The following MYH10 variants were observed in gnomAD, a reference collection of about 807,000 sequenced individuals.
MYH10 encodes myosin heavy chain 10, also known as myosin-10.
MYH10 carries 55 observed loss-of-function variants against 257.8 expected under a neutral mutation model. The observed-to-expected ratio is 0.21, with a 90% CI of 0.17 to 0.27. MYH10 has a LOEUF of 0.27. Among genes scored for constraint, MYH10 ranks in the 10% least tolerant of loss-of-function variants. The probability of loss-of-function intolerance (pLI) is 1.00; values close to 1 mark genes in which losing one functional copy is unlikely to be tolerated. For synonymous variants in MYH10, 854 were observed against 921.7 expected (o/e 0.93, Z 1.33); for missense variants, 1,631 against 2,500.6 (o/e 0.65, Z 7.42).
At chr17:8,505,230 C>T (rs2081036455) in intron 27 of MYH10, among the ~76,000 whole-genome samples, 1 of 152,220 alleles carries the variant, frequency 6.6e-6, no homozygotes, top group South Asian at 2.1e-4. Flanking sequence ...AACATTTTCT[C>T]TGAAGTCAAA....
intron 7 of MYH10, chr17:8,554,257 G>T (rs2082721411): frequency 3.8e-6 from 1 of 262,330 alleles, no homozygotes; most frequent in South Asian, 6.3e-5. Flanking sequence ...ATTAATAAAA[G>T]AAAGTAGTGA....
At position 8,535,169 on chromosome 17, in the gene MYH10, A is replaced by G. The variant is rs941705963; in HGVS notation, c.1894+218T>C. Among the ~76,000 whole-genome samples, 1 of 152,216 alleles carries G rather than the reference A, an allele frequency of 6.6e-6. No homozygotes were observed. Among genetic ancestry groups the G allele is most frequent in the African/African-American group, 2.4e-5 (1 of 41,458 alleles). ...CCTAGAATGTTTCTGTACTCCTACA[A>G]CATCTGACCAAGAAGGTAGCTGTCT... On this transcript the variant is annotated intron_variant, in intron 16 of 42. Coordinates refer to ENST00000360416, the MANE Select transcript of MYH10 (RefSeq NM_001256012.3). This position sits in a 1 kb window ranked among gnomAD's most constrained non-coding sequence, Gnocchi z 4.3.
At chr17:8,630,350 A>C (rs1438738452) in intron 1 of MYH10, among the ~76,000 whole-genome samples, 3 of 129,078 alleles carry the variant, frequency 2.3e-5, no homozygotes, top group Non-Finnish European at 5.0e-5. Context: ...CTGCACACCC[A>C]GGCCCTGACC....
rs1345205771 is a variant in MYH10, at chr17:8,569,076, G to T, written c.756+644C>A. ...AAAAAAAAGTTACTCTTTTAAATTA[G>T]CCTGGTGAAGTAACGTGAGCCTGTA... is the stretch of plus-strand genomic sequence containing the variant. On this transcript the variant is annotated intron_variant, in intron 7 of 42. Coordinates refer to ENST00000360416, the MANE Select transcript of MYH10 (RefSeq NM_001256012.3). This position sits in a 1 kb window ranked among gnomAD's most constrained non-coding sequence, Gnocchi z 4.1. Among the ~76,000 whole-genome samples, 1 of 151,514 alleles carries T rather than the reference G, an allele frequency of 6.6e-6. No homozygotes were observed. The highest frequency in any genetic ancestry group is 1.5e-5 in the Non-Finnish European group (1 of 67,880).
chr17:8,599,917 T>G (rs546330716), intron 3 of MYH10, among the ~76,000 whole-genome samples: 2 of 152,276 alleles, frequency 1.3e-5, no homozygotes, highest in East Asian at 3.9e-4. Context: ...GCAGTTTCTC[T>G]GCAGTGCCTC....
intron 33 of MYH10, 122 bp from the exon 34 acceptor site, chr17:8,492,631 C>CTTTT: frequency 1.1e-6 from 1 of 949,282 alleles, no homozygotes; most frequent in Non-Finnish European, 1.5e-6. Context: ...CTTGTATTTC[C>CTTTT]TTTTTTTTTT....
At chr17:8,523,240 C>T (rs2081717296) in intron 17 of MYH10, among the ~76,000 whole-genome samples, 1 of 152,220 alleles carries the variant, frequency 6.6e-6, no homozygotes, top group Admixed American at 6.5e-5. Context: ...CTGCCTTCTA[C>T]AAATGTTTGT....
intron 4 of MYH10, among the ~76,000 whole-genome samples, chr17:8,582,379 T>C (rs1490016404): frequency 3.3e-5 from 5 of 151,844 alleles, no homozygotes; most frequent in Admixed American, 2.6e-4. Context: ...CTCATTTCCA[T>C]CAACAAAATG....
intron 4 of MYH10, among the ~76,000 whole-genome samples, chr17:8,578,283 C>T (rs2083576545): frequency 7.3e-6 from 1 of 136,436 alleles, no homozygotes; most frequent in Non-Finnish European, 1.5e-5. Flanking sequence ...TGCTCTGTTG[C>T]CCAGGCTGGA....
intron 2 of MYH10, among the ~76,000 whole-genome samples, chr17:8,614,424 TTC>T (rs2085175452): frequency 6.7e-6 from 1 of 150,098 alleles, no homozygotes; most frequent in African/African-American, 2.5e-5. Context: ...GTTCAGGCTA[TTC>T]TCTGTCCTCA....
chr17:8,628,127 T>C (rs2085752326), intron 1 of MYH10, among the ~76,000 whole-genome samples: 1 of 152,226 alleles, frequency 6.6e-6, no homozygotes, highest in South Asian at 2.1e-4. Context: ...GCAAAGGTTT[T>C]ATATATTTTA....
chr17:8,622,047 T>C (rs1482098044), intron 2 of MYH10, among the ~76,000 whole-genome samples: 1 of 152,232 alleles, frequency 6.6e-6, no homozygotes, highest in Non-Finnish European at 1.5e-5. Flanking sequence ...AAGTTTTGAA[T>C]TATTCATGAC....
At chr17:8,487,282 G>T in intron 36 of MYH10, 151 bp downstream of exon 36, 1 of 841,584 alleles carries the variant, frequency 1.2e-6, no homozygotes, top group Non-Finnish European at 1.9e-6. Context: ...GGACACAGCG[G>T]ACACACAAGC....
At chr17:8,530,531 CTCCCCGGCCA>C in intron 17 of MYH10, 82 bp downstream of exon 17, 1 of 577,130 alleles carries the variant, frequency 1.7e-6, no homozygotes, top group East Asian at 3.8e-5. Flanking sequence ...TACCCCCGCC[CTCCCCGGCCA>C]CCCTGCCAGT....
chr17:8,511,071 T>TATATATATATATATATATATATATATAC (rs1336387130), intron 24 of MYH10: 20 of 82,316 alleles, frequency 2.4e-4, no homozygotes, highest in African/African-American at 4.2e-4. Flanking sequence ...CACACATACA[T>TATATATATATATATATATATATATATAC]ACATACACAC....
intron 1 of MYH10, among the ~76,000 whole-genome samples, chr17:8,628,284 C>T (rs943213538): frequency 6.6e-6 from 1 of 151,984 alleles, no homozygotes; most frequent in Non-Finnish European, 1.5e-5. Flanking sequence ...ATGAATTAGC[C>T]CCCTACAGAG....
At chr17:8,508,897 A>G (rs1317829816) in intron 25 of MYH10, among the ~76,000 whole-genome samples, 1 of 152,190 alleles carries the variant, frequency 6.6e-6, no homozygotes, top group African/African-American at 2.4e-5. Context: ...TGGAGCTGAA[A>G]ACTTCATCGA....
In MYH10 at chr17:8,500,856, C is replaced by G. The variant is rs528675345; in HGVS notation, c.3714G>C (p.Glu1238Asp). The G allele has an allele frequency of 1.2e-6, 2 of 1,613,692 alleles. No individual in the cohort carries two copies. The highest frequency in any genetic ancestry group is 3.3e-5 in the Admixed American group (2 of 59,992). ...TGGCCTGTTCCAGCTGCTCTGAGAG[C>G]TCCTCCAGGGCTGTTGCGTGTCTTT... ...MRQRHATALE[E>D]LSEQLEQAKR... is the part of the protein sequence containing the mutation. Residue 1238 changes from glutamate (E) to aspartate (D), a missense_variant, in exon 29 of 43, where the codon GAG (glutamate) becomes GAC (aspartate). Glu to Asp is a conservative substitution (Grantham distance 45, BLOSUM62 2). This residue lies in a region of MYH10 where 463 missense variants were observed against 621.8 expected (regional missense o/e 0.74). Transcript: ENST00000360416.
rs552682277 is a variant in MYH10, at chr17:8,483,684, C to G, written c.5175+454G>C. Among the ~76,000 whole-genome samples, 9 of 152,324 alleles carry G rather than the reference C, an allele frequency of 5.9e-5. No individual in the cohort carries two copies. The East Asian group carries it at 1.3e-3, about 23-fold the overall frequency. On this transcript the variant is annotated intron_variant, in intron 37 of 42. Coordinates refer to ENST00000360416, the MANE Select transcript of MYH10 (RefSeq NM_001256012.3). The stretch of plus-strand genomic sequence containing the variant: ...TTTATCAGTCTCTGCTTCATGAGAA[C>G]TTACAAGAAAGATAAATGAAGGAAT...
Sources: allele counts gnomAD v4.1 joint callset (sites outside exome capture counted in the v4.1 genomes callset), GRCh38; gene constraint gnomAD v4.1.1; regional missense constraint gnomAD v4.1.1; non-coding constraint Gnocchi (gnomAD v3.1); transcripts MANE v1.5; gene names NCBI Gene and HGNC (gene_info 2026-07-23, HGNC 2026-07-21).